The following HTRA1 variants were observed in gnomAD, a reference collection of about 807,000 sequenced individuals.
HTRA1 encodes serine protease HTRA1.
A neutral mutation model predicts 49.7 loss-of-function variants in HTRA1; 26 were observed. The ratio of observed to expected loss-of-function variants is 0.52; its 90% CI spans 0.38 to 0.73. The LOEUF (loss-of-function observed/expected upper bound fraction) is 0.73. HTRA1 is among the 30% of genes least tolerant of loss of function. HTRA1 has a pLI of 0.00. For missense variants in HTRA1, 561 were observed against 667.2 expected (o/e 0.84, Z 1.75); for synonymous variants, 291 against 286.9 (o/e 1.01, Z -0.14).
intron 3 of HTRA1, among the ~76,000 whole-genome samples, chr10:122,497,333 A>G (rs2097499148): frequency 6.6e-6 from 1 of 152,342 alleles, no homozygotes; most frequent in Admixed American, 6.5e-5. Context: ...TGACCATATC[A>G]AATTATTCTT....
In HTRA1 at chr10:122,511,069, T is replaced by G. The variant is rs184698415; in HGVS notation, c.1179-901T>G. Among the ~76,000 whole-genome samples, 631 of 152,294 alleles carry G rather than the reference T, an allele frequency of 4.1e-3. 4 individuals are homozygous for G. The highest frequency in any genetic ancestry group is 0.014 in the African/African-American group (569 of 41,568). The stretch of plus-strand genomic sequence containing the variant: ...TCCTGCCTTGTGACCTTGGGAACGA[T>G]ATGACCCCTGAGTGCCTCAGTTTCC... On this transcript the variant is annotated intron_variant, in intron 7 of 8. Transcript: ENST00000368984.
chr10:122,503,859 A>G (rs536902638), intron 3 of HTRA1, among the ~76,000 whole-genome samples: 2 of 152,254 alleles, frequency 1.3e-5, no homozygotes, highest in African/African-American at 2.4e-5. Context: ...GTCTGAGTGG[A>G]TGAAAACCTA....
intron 1 of HTRA1, among the ~76,000 whole-genome samples, chr10:122,473,011 A>G (rs1039388094): frequency 5.9e-5 from 9 of 152,108 alleles, no homozygotes; most frequent in Non-Finnish European, 1.0e-4. Flanking sequence ...CCCAAAATCA[A>G]TCCTTCAGGA....
At chr10:122,508,471 C>T (rs1046057242) in intron 5 of HTRA1, among the ~76,000 whole-genome samples, 185 bp from the exon 6 acceptor site, 9 of 152,266 alleles carry the variant, frequency 5.9e-5, no homozygotes, top group African/African-American at 1.9e-4. Context: ...CACAGCTGCG[C>T]GTGGCTCGCG....
intron 1 of HTRA1, among the ~76,000 whole-genome samples, chr10:122,480,055 T>C (rs570201841): frequency 6.6e-6 from 1 of 152,238 alleles, no homozygotes; most frequent in African/African-American, 2.4e-5. Flanking sequence ...TATTTAGTGC[T>C]TTATGTGCAA....
intron 3 of HTRA1, among the ~76,000 whole-genome samples, chr10:122,493,778 C>A (rs760631009): frequency 6.6e-6 from 1 of 152,084 alleles, no homozygotes; most frequent in Non-Finnish European, 1.5e-5. Context: ...AACTCCTTAC[C>A]AGGACCTTGA....
At chr10:122,496,225 G>GTTTTGTTTTTTT (rs1287521208) in intron 3 of HTRA1, among the ~76,000 whole-genome samples, 3 of 80,408 alleles carry the variant, frequency 3.7e-5, no homozygotes, top group African/African-American at 1.5e-4. Flanking sequence ...GAGATTGTGG[G>GTTTTGTTTTTTT]TTCTTTTTTT....
At position 122,514,555 on chromosome 10, in the gene HTRA1, C is replaced by T. The variant is rs1298329570; in HGVS notation, c.*196C>T. 5 of 622,234 alleles carry T rather than the reference C, an allele frequency of 8.0e-6. No homozygotes were observed. Among genetic ancestry groups the T allele is most frequent in the Admixed American group, 2.4e-5 (1 of 42,474 alleles). The allele number at this position is 622,234 out of a possible 1,614,324, so 38.5% of individuals were successfully genotyped here. On this transcript the variant is annotated 3_prime_UTR_variant, in exon 9 of 9. Coordinates refer to ENST00000368984, the MANE Select transcript of HTRA1 (RefSeq NM_002775.5). ...AAATGTAATGTTGCAGATCCGCAGGCAGAAGCTCTGCCCTTCTGTATCCTA... is the reference window on the plus strand; with the variant it reads ...AAATGTAATGTTGCAGATCCGCAGGTAGAAGCTCTGCCCTTCTGTATCCTA...
At chr10:122,483,821 T>C (rs1354103569) in intron 1 of HTRA1, among the ~76,000 whole-genome samples, 1 of 152,258 alleles carries the variant, frequency 6.6e-6, no homozygotes, top group Non-Finnish European at 1.5e-5. Context: ...AATTACTTGA[T>C]ATTTATTTTT....
chr10:122,479,306 G>A (rs539006711), intron 1 of HTRA1, among the ~76,000 whole-genome samples: 1 of 152,222 alleles, frequency 6.6e-6, no homozygotes, highest in Admixed American at 6.5e-5. Flanking sequence ...CAAGGAGGGA[G>A]GCTAGCCTGG....
In HTRA1 at chr10:122,508,742, C is replaced by T. The variant is rs994561397; in HGVS notation, c.1092C>T (p.Leu364=). The change falls in exon 6 of 9, where the codon CTC becomes CTT. Residue 364 remains leucine (L), a synonymous_variant. Transcript: ENST00000368984. ...CATCTGATAAGATTAAAAAGTTCCTCACGGAGTCCCATGACCGACAGGCCA... is the reference window on the plus strand; with the variant it reads ...CATCTGATAAGATTAAAAAGTTCCTTACGGAGTCCCATGACCGACAGGCCA... ...AIPSDKIKKF[L]TESHDRQAKG... is the part of the protein sequence containing the mutation. 4.3e-6 allele frequency: 7 copies of T among 1,612,804 alleles called. No homozygotes were observed. In the East Asian group the frequency reaches 1.3e-4, roughly 31 times the overall value.
intron 3 of HTRA1, among the ~76,000 whole-genome samples, chr10:122,502,653 T>C (rs1051712502): frequency 1.3e-5 from 2 of 152,228 alleles, no homozygotes; most frequent in Non-Finnish European, 2.9e-5. Context: ...GTTTTTCTTC[T>C]AGATGCCCCC....
At chr10:122,505,825 C>G (rs895712692) in intron 3 of HTRA1, among the ~76,000 whole-genome samples, 1 of 152,204 alleles carries the variant, frequency 6.6e-6, no homozygotes, top group African/African-American at 2.4e-5. Flanking sequence ...CCGAGGAAGG[C>G]AGAGAGGGAA....
intron 3 of HTRA1, among the ~76,000 whole-genome samples, chr10:122,501,793 A>G (rs1252320498): frequency 6.6e-6 from 1 of 151,860 alleles, no homozygotes; most frequent in Non-Finnish European, 1.5e-5. Context: ...TCTTGATGTG[A>G]TGTCTGGAAT....
chr10:122,492,055 A>G (rs1253884234), intron 3 of HTRA1, among the ~76,000 whole-genome samples: 5 of 152,176 alleles, frequency 3.3e-5, no homozygotes, highest in African/African-American at 1.2e-4. Flanking sequence ...GATAACAAAG[A>G]GGATGAAAGA....
chr10:122,475,079 C>G (rs994420494), intron 1 of HTRA1, among the ~76,000 whole-genome samples: 7 of 152,306 alleles, frequency 4.6e-5, no homozygotes, highest in Admixed American at 3.3e-4. Flanking sequence ...CCAGGTGCCC[C>G]CCGAAAGCAC....
intron 1 of HTRA1, among the ~76,000 whole-genome samples, chr10:122,474,709 C>T (rs189131678): frequency 4.2e-4 from 64 of 152,210 alleles, no homozygotes; most frequent in Admixed American, 1.6e-3. Flanking sequence ...TCAGCTGTTT[C>T]CCCGAAGATA....
chr10:122,461,934 G>C lies in HTRA1; in HGVS notation c.282G>C (p.Gly94=), dbSNP rs995687846. Residue 94 remains glycine (G), a synonymous_variant, in exon 1 of 9, where the codon GGG becomes GGC. Transcript: ENST00000368984. ...GEGLQCVVPF[G]VPASATVRRR... ...GGCTGCAGTGCGTGGTGCCCTTCGGGGTGCCAGCCTCGGCCACGGTGCGGC... is the reference window on the plus strand; with the variant it reads ...GGCTGCAGTGCGTGGTGCCCTTCGGCGTGCCAGCCTCGGCCACGGTGCGGC... 1 of 1,482,912 alleles carries C rather than the reference G, an allele frequency of 6.7e-7. No individual in the cohort carries two copies. The highest frequency in any genetic ancestry group is 8.9e-7 in the Non-Finnish European group (1 of 1,123,486). 91.9% of individuals were successfully genotyped at this position (1,482,912 alleles called of 1,614,324 possible).
chr10:122,463,940 AG>A (rs2097482693), intron 1 of HTRA1, among the ~76,000 whole-genome samples: 1 of 152,186 alleles, frequency 6.6e-6, no homozygotes, highest in African/African-American at 2.4e-5. Context: ...AGCAGGAGTG[AG>A]CCAGGCTGGT....
Sources: allele counts gnomAD v4.1 joint callset (sites outside exome capture counted in the v4.1 genomes callset), GRCh38; gene constraint gnomAD v4.1.1; transcripts MANE v1.5; gene names NCBI Gene and HGNC (gene_info 2026-07-23, HGNC 2026-07-21).